Variants in MFN2 observed in about 807,000 individuals in gnomAD.
MFN2 encodes the protein mitofusin-2.
Under a neutral mutation model 87.5 loss-of-function variants are expected in MFN2, and 43 were observed. That is an observed-to-expected ratio of 0.49 (90% CI 0.38 to 0.63). The LOEUF (loss-of-function observed/expected upper bound fraction) is 0.63. Ranked by LOEUF, MFN2 falls within the 30% of genes least tolerant of loss-of-function variation. The pLI, the probability that MFN2 is intolerant of heterozygous loss-of-function variation, is 0.00. For missense variants in MFN2, 743 were observed against 972.8 expected, an observed-to-expected ratio of 0.76 and a Z score of 3.14; for synonymous variants, 337 against 359.9, an observed-to-expected ratio of 0.94 and a Z score of 0.72.
intron 11 of MFN2, among the ~76,000 whole-genome samples, chr1:12,002,681 C>T (rs1239544987): frequency 2.0e-5 from 3 of 152,150 alleles, no homozygotes; most frequent in Admixed American, 6.5e-5. Context: ...GAGTGAGACC[C>T]TGTCACTAAA....
intron 17 of MFN2, among the ~76,000 whole-genome samples, chr1:12,008,872 G>T (rs1353019536): frequency 6.6e-6 from 1 of 152,234 alleles, no homozygotes; most frequent in Non-Finnish European, 1.5e-5. Context: ...GGAGGTGGAG[G>T]TTGTAGCGAG....
At chr1:11,999,969 C>A (rs932329841) in intron 8 of MFN2, among the ~76,000 whole-genome samples, 5 of 151,412 alleles carry the variant, frequency 3.3e-5, no homozygotes, top group African/African-American at 9.7e-5. Flanking sequence ...TGGTGGCAGG[C>A]GCCTGTAGTC....
At chr1:12,010,231 C>G (rs539595065) in intron 18 of MFN2, among the ~76,000 whole-genome samples, 1 of 152,192 alleles carries the variant, frequency 6.6e-6, no homozygotes, top group Non-Finnish European at 1.5e-5. Flanking sequence ...CAAGACACAG[C>G]GTCGCTGCCT....
At chr1:12,002,745 TTTATG>T (rs934169989) in intron 11 of MFN2, among the ~76,000 whole-genome samples, 2 of 152,206 alleles carry the variant, frequency 1.3e-5, no homozygotes, top group East Asian at 1.9e-4. Flanking sequence ...TTCTCAGTTG[TTTATG>T]TTAAGTTAAA....
intron 8 of MFN2, among the ~76,000 whole-genome samples, chr1:11,999,969 C>T (rs932329841): frequency 1.3e-5 from 2 of 151,530 alleles, no homozygotes; most frequent in South Asian, 2.1e-4. Context: ...TGGTGGCAGG[C>T]GCCTGTAGTC....
chr1:11,988,586 G>T (rs1433031381), intron 2 of MFN2, among the ~76,000 whole-genome samples: 2 of 152,072 alleles, frequency 1.3e-5, no homozygotes, highest in Non-Finnish European at 2.9e-5. Flanking sequence ...TCCCAGGCTA[G>T]AGTGCAGTGG....
chr1:12,008,659 G>A (rs1052141760), intron 17 of MFN2, among the ~76,000 whole-genome samples: 2 of 151,928 alleles, frequency 1.3e-5, no homozygotes, highest in African/African-American at 4.8e-5. Context: ...GGGTGGTGGG[G>A]CAGAGGCGCT....
In MFN2 at chr1:11,996,454, A is replaced by C; in HGVS notation, c.474+136A>C. 4 of 1,070,702 alleles carry C rather than the reference A, an allele frequency of 3.7e-6. No homozygotes were observed. In the South Asian group the frequency reaches 5.9e-5, roughly 16 times the overall value. The allele number at this position is 1,070,702 out of a possible 1,614,324, so 66.3% of individuals were successfully genotyped here. A position where few individuals can be genotyped will look rare whatever the true frequency, so the allele number is the denominator to read the frequency against. On this transcript the variant is annotated intron_variant, in intron 5 of 18. Coordinates refer to ENST00000235329, the MANE Select transcript of MFN2 (RefSeq NM_014874.4). ...TGAATGGGAGACCCTATTTTAGATG[A>C]ACTTTTTGAAGGATGTAAGAGCTTT... is the stretch of plus-strand genomic sequence containing the variant.
chr1:11,992,845 A>G (rs1224408307), intron 4 of MFN2, among the ~76,000 whole-genome samples, 155 bp downstream of exon 4: 2 of 151,812 alleles, frequency 1.3e-5, no homozygotes, highest in Non-Finnish European at 2.9e-5. Context: ...GATTTTTGAG[A>G]CAGGGTTCTC....
At chr1:11,996,056 C>T (rs1638893885) in intron 4 of MFN2, 100 bp from the exon 5 acceptor site, 2 of 1,472,522 alleles carry the variant, frequency 1.4e-6, no homozygotes, top group Admixed American at 1.7e-5. Context: ...GGCAACATTG[C>T]ACTGAATAGG....
intron 2 of MFN2, among the ~76,000 whole-genome samples, chr1:11,987,277 A>G (rs1281978528): frequency 6.6e-6 from 1 of 150,694 alleles, no homozygotes; most frequent in Non-Finnish European, 1.5e-5. Context: ...GCACCACTGC[A>G]CCCAGCCTGG....
At chr1:11,989,912 A>G (rs1472459327) in intron 3 of MFN2, among the ~76,000 whole-genome samples, 1 of 152,194 alleles carries the variant, frequency 6.6e-6, no homozygotes, top group Non-Finnish European at 1.5e-5. Flanking sequence ...ACTGGTTCCC[A>G]GGGCCCCGCT....
In MFN2 at chr1:11,996,306, G is replaced by A. The variant is rs1255624199; in HGVS notation, c.462G>A (p.Lys154=). 1.2e-6 allele frequency: 2 copies of A among 1,614,164 alleles called. No individual in the cohort carries two copies. Among genetic ancestry groups the A allele is most frequent in the Non-Finnish European group, 1.7e-6 (2 of 1,180,038 alleles). ...TCCTTACCGAGGGCTCAGAGGAAAA[G>A]AGGAGTGCCAAGGTGAGGGTGCCAG... The part of the protein sequence containing the change: ...AFLLTEGSEE[K]RSAKTVNQLA... The change falls in exon 5 of 19, where the codon AAG becomes AAA. Residue 154 remains lysine (K), a synonymous_variant. Transcript: ENST00000235329.
At chr1:12,000,854 G>A (rs1404110955) in intron 8 of MFN2, among the ~76,000 whole-genome samples, 3 of 152,106 alleles carry the variant, frequency 2.0e-5, no homozygotes, top group Non-Finnish European at 2.9e-5. Flanking sequence ...TCTAGGGCAC[G>A]TTTAAGCATT....
chr1:12,001,292 C>A, intron 8 of MFN2, 109 bp from the exon 9 acceptor site: 1 of 1,454,534 alleles, frequency 6.9e-7, no homozygotes, highest in Non-Finnish European at 9.3e-7. Flanking sequence ...GGATTACAGG[C>A]GTCAGCCACC....
At position 12,001,963 on chromosome 1, in the gene MFN2, G is replaced by T. The variant is rs74052923; in HGVS notation, c.1039-19G>T. 2.5e-6 allele frequency: 4 copies of T among 1,613,924 alleles called. No individual in the cohort carries two copies. Among genetic ancestry groups the T allele is most frequent in the Non-Finnish European group, 3.4e-6 (4 of 1,180,020 alleles). ...CCCCTGGTGGCCCCCACCTCCCTCC[G>T]TGCCTCTGTGTGTTCCAGGAGTGCA... On this transcript the variant is annotated intron_variant, in intron 10 of 18. Transcript: ENST00000235329.
chr1:11,996,216 TG>T lies in MFN2; in HGVS notation c.375del (p.Ile126LeufsTer11), dbSNP rs1435981411. 6.2e-7 allele frequency: 1 copy of T among 1,614,126 alleles called. No homozygotes were observed. The highest frequency in any genetic ancestry group is 8.5e-7 in the Non-Finnish European group (1 of 1,180,056). On this transcript the variant is annotated frameshift_variant, in exon 5 of 19. Coordinates refer to ENST00000235329, the MANE Select transcript of MFN2 (RefSeq NM_014874.4). LOFTEE classifies it high-confidence loss of function. ...TGCTCTGGGACAAAGTTCTGCCCTC[TG>T]GGATTGGCCACACCACCAATTGCTT... ...AMLWDKVLPS[G>X]IGHTTNCFLR... is the part of the protein sequence containing the mutation.
At position 11,996,171 on chromosome 1, in the gene MFN2, G is replaced by A. The variant is rs1557521712; in HGVS notation, c.327G>A (p.Lys109=). ...TTCCTTCTAGGACGAGCAATGGGAA[G>A]AGCACCGTGATCAATGCCATGCTCT... is the stretch of plus-strand genomic sequence containing the variant. The part of the protein sequence containing the change: ...VAFFGRTSNG[K]STVINAMLWD... Residue 109 remains lysine (K), a synonymous_variant, in exon 5 of 19, where the codon AAG becomes AAA. Coordinates refer to ENST00000235329, the MANE Select transcript of MFN2 (RefSeq NM_014874.4). The A allele has an allele frequency of 1.9e-6, 3 of 1,614,214 alleles. No homozygotes were observed. The highest frequency in any genetic ancestry group is 1.6e-4 in the Middle Eastern group (1 of 6,062).
rs750261091 is a variant in MFN2, at chr1:11,981,951, CCTTTT to C, written c.-149-11_-149-7del. 3 of 141,044 alleles carry C rather than the reference CCTTTT, an allele frequency of 2.1e-5. No individual in the cohort carries two copies. Among genetic ancestry groups the C allele is most frequent in the African/African-American group, 8.3e-5 (3 of 36,100 alleles). 8.7% of individuals were successfully genotyped at this position (141,044 alleles called of 1,614,324 possible). A position where few individuals can be genotyped will look rare whatever the true frequency, so the allele number is the denominator to read the frequency against. Reference sequence around the variant, plus strand: ...TTTTTTTGGACACCGGATCCATCTCCCTTTTCTTTTCTAATAAGTCAGGACTGGTG... The same window carrying C: ...TTTTTTTGGACACCGGATCCATCTCCCTTTTCTAATAAGTCAGGACTGGTG... On this transcript the variant is annotated splice_polypyrimidine_tract_variant and intron_variant, in intron 1 of 18. Coordinates refer to ENST00000235329, the MANE Select transcript of MFN2 (RefSeq NM_014874.4).
Sources: gnomAD v4.1 joint callset for allele counts (sites outside exome capture counted in the v4.1 genomes callset) on GRCh38, gnomAD v4.1.1 for gene constraint, MANE v1.5 for transcripts, NCBI Gene and HGNC (gene_info 2026-07-23, HGNC 2026-07-21) for gene names.